The following ESR2 variants were observed in gnomAD, a reference collection of about 807,000 sequenced individuals.
ESR2 encodes estrogen receptor 2.
In ESR2, 36 loss-of-function variants were observed where a neutral mutation model predicts 49.6. The observed-to-expected ratio is 0.73, with a 90% confidence interval of 0.56 to 0.96. The LOEUF is 0.96. Among genes scored for constraint, ESR2 ranks in the 40% least tolerant of loss-of-function variants. The pLI is 0.00. For synonymous variants in ESR2, 320 were observed against 266.1 expected, an observed-to-expected ratio of 1.20 and a Z score of -1.97; for missense variants, 714 against 693.0, an observed-to-expected ratio of 1.03 and a Z score of -0.34.
chr14:64,226,940 C>T (rs987011502), downstream of ESR2: 1 of 152,472 alleles, frequency 6.6e-6, no homozygotes, highest in African/African-American at 2.4e-5. Flanking sequence ...ATCTGCCCAC[C>T]TCGGCCTCCC....
downstream of ESR2, chr14:64,227,931 T>A (rs771890859): frequency 6.3e-7 from 1 of 1,597,050 alleles, no homozygotes; most frequent in East Asian, 2.2e-5. Context: ...TCTCCCCATC[T>A]GTAAAGGATA....
intron 4 of ESR2, among the ~76,000 whole-genome samples, chr14:64,263,135 C>T (rs970154906): frequency 2.0e-5 from 3 of 152,048 alleles, no homozygotes; most frequent in African/African-American, 7.3e-5. Context: ...TGAAATTATA[C>T]ATATTTTTAA....
rs34288779 is a variant in ESR2 at position 64,244,399 on chromosome 14, C to CA, written c.1225+5146dup. ...TGAGTAACAAAGCAAGACTTCATCT[C>CA]AAAAAAAAAAAAAAAGAAAGAACAG... On this transcript the variant is annotated intron_variant, in intron 7 of 8. Coordinates refer to ENST00000341099, the MANE Select transcript of ESR2 (RefSeq NM_001437.3). 8.4e-3 allele frequency among the ~76,000 whole-genome samples: 1,071 copies of CA among 127,780 alleles called. 2 individuals are homozygous for CA. Among genetic ancestry groups the CA allele is most frequent in the East Asian group, 0.016 (66 of 4,190 alleles). 83.8% of individuals were successfully genotyped at this position (127,780 alleles called of 152,430 possible). A position where few individuals can be genotyped will look rare whatever the true frequency, so the allele number is the denominator to read the frequency against.
At position 64,289,118 on chromosome 14, in the gene ESR2, A is replaced by C. The variant is rs376243819; in HGVS notation, c.-91+4915T>G. On this transcript the variant is annotated intron_variant, in intron 1 of 8. Coordinates refer to ENST00000341099, the MANE Select transcript of ESR2 (RefSeq NM_001437.3). ...GCCAGGCAATCTTAGACAAATCCAC[A>C]AACTCCCTGAGCTGCCACATCTTCT... Among the ~76,000 whole-genome samples, 8 of 152,220 alleles carry C rather than the reference A, an allele frequency of 5.3e-5. No homozygotes were observed. The South Asian group carries it at 6.2e-4, about 12-fold the overall frequency.
chr14:64,260,568 G>A lies in ESR2; in HGVS notation c.833C>T (p.Pro278Leu). ...LVLTLLEAEP[P>L]HVLISRPSAP... is the part of the protein sequence containing the mutation. Reference sequence around the variant, plus strand: ...ACTGGGGCGGCTGATCAGCACATGGGGCGGCTCAGCCTCCAGGAGGGTGAG... The same window carrying A: ...ACTGGGGCGGCTGATCAGCACATGGAGCGGCTCAGCCTCCAGGAGGGTGAG... The change falls in exon 5 of 9, where the codon CCC becomes CTC. Residue 278 changes from proline (P) to leucine (L), a missense_variant. Coordinates refer to ENST00000341099, the MANE Select transcript of ESR2 (RefSeq NM_001437.3). 6.2e-7 allele frequency: 1 copy of A among 1,600,702 alleles called. No homozygotes were observed. The highest frequency in any genetic ancestry group is 8.5e-7 in the Non-Finnish European group (1 of 1,172,628).
chr14:64,334,348 C>T (rs2077502732), intron 1 of ESR2, among the ~76,000 whole-genome samples: 1 of 152,206 alleles, frequency 6.6e-6, no homozygotes, highest in Admixed American at 6.5e-5. Flanking sequence ...ATACATTTCT[C>T]AGGTGGCTCA....
intron 7 of ESR2, among the ~76,000 whole-genome samples, chr14:64,236,310 A>G (rs1348134404): frequency 6.6e-6 from 1 of 152,046 alleles, no homozygotes; most frequent in African/African-American, 2.4e-5. Flanking sequence ...TGCTTCTCCA[A>G]TCCCTGTGCT....
intron 1 of ESR2, among the ~76,000 whole-genome samples, chr14:64,328,423 A>G (rs911818529): frequency 6.6e-6 from 1 of 152,158 alleles, no homozygotes; most frequent in Non-Finnish European, 1.5e-5. Context: ...TGTCTCAAAA[A>G]AAAAAAAAGA....
intron 1 of ESR2, among the ~76,000 whole-genome samples, chr14:64,305,016 C>T (rs906403362): frequency 2.0e-5 from 3 of 152,152 alleles, no homozygotes; most frequent in South Asian, 4.1e-4. Flanking sequence ...GGCGGCCAGG[C>T]GTGGTGGCTC....
At chr14:64,307,774 T>C (rs956315000) in intron 1 of ESR2, among the ~76,000 whole-genome samples, 4 of 152,086 alleles carry the variant, frequency 2.6e-5, no homozygotes, top group Admixed American at 2.6e-4. Flanking sequence ...GACCTCGTGA[T>C]CCACCCGCCT....
chr14:64,329,224 A>T (rs2077425029), intron 1 of ESR2, among the ~76,000 whole-genome samples: 1 of 152,260 alleles, frequency 6.6e-6, no homozygotes, highest in Middle Eastern at 3.4e-3. Context: ...CTTTACAACA[A>T]CGAGATCTTG....
chr14:64,294,798 A>C (rs2140854229), upstream of ESR2, among the ~76,000 whole-genome samples: 1 of 152,350 alleles, frequency 6.6e-6, no homozygotes, highest in African/African-American at 2.4e-5. Flanking sequence ...CCCCAGCAGC[A>C]AACGTAACCT....
chr14:64,251,760 G>A (rs192706941), intron 6 of ESR2, among the ~76,000 whole-genome samples: 1 of 152,076 alleles, frequency 6.6e-6, no homozygotes, highest in Non-Finnish European at 1.5e-5. Flanking sequence ...TTTCATTCAA[G>A]GGGTGGCAAA....
rs187008721 is a variant in ESR2, at chr14:64,278,903, G to A, written c.535+1078C>T. ...AAGTTTAGGCCATGATGGAACAAGG[G>A]AGACAGACATGGTTCATTATACCCT... On this transcript the variant is annotated intron_variant, in intron 3 of 8. Coordinates refer to ENST00000341099, the MANE Select transcript of ESR2 (RefSeq NM_001437.3). Among the ~76,000 whole-genome samples, 632 of 152,304 alleles carry A rather than the reference G, an allele frequency of 4.1e-3. 6 individuals are homozygous for A. The highest frequency in any genetic ancestry group is 6.4e-3 in the Non-Finnish European group (434 of 68,022).
intron 6 of ESR2, among the ~76,000 whole-genome samples, chr14:64,251,089 T>A (rs1171817481): frequency 6.6e-6 from 1 of 152,042 alleles, no homozygotes; most frequent in Non-Finnish European, 1.5e-5. Context: ...GAGTGCCAAA[T>A]CTACAGGAAG....
Position 64,306,212 on chromosome 14 carries a change from GA to G in ESR2, c.-90-23138del, listed in dbSNP as rs200709364. 1.0e-3 allele frequency among the ~76,000 whole-genome samples: 141 copies of G among 136,552 alleles called. 3 individuals are homozygous for G. The East Asian group carries it at 0.019, about 19-fold the overall frequency. 89.6% of individuals were successfully genotyped at this position (136,552 alleles called of 152,430 possible). On this transcript the variant is annotated intron_variant, in intron 1 of 8. Transcript: ENST00000358599. ...AGCGAAACTCCATCTCAAAAAAAAAGAAAAAAAAAAAGAAAGTAAAAAGAAA... is the reference window on the plus strand; with the variant it reads ...AGCGAAACTCCATCTCAAAAAAAAAGAAAAAAAAAAGAAAGTAAAAAGAAA...
At chr14:64,295,738 T>C (rs1469567475), upstream of ESR2, among the ~76,000 whole-genome samples, 1 of 152,106 alleles carries the variant, frequency 6.6e-6, no homozygotes, top group Admixed American at 6.6e-5. Flanking sequence ...AAATGTTAAA[T>C]GATGGTTTAA....
intron 4 of ESR2, among the ~76,000 whole-genome samples, chr14:64,266,352 A>G (rs1378435066): frequency 6.6e-6 from 1 of 152,226 alleles, no homozygotes; most frequent in Non-Finnish European, 1.5e-5. Flanking sequence ...ACCAAGGGCC[A>G]AAGAGGTGAT....
intron 7 of ESR2, among the ~76,000 whole-genome samples, chr14:64,235,877 T>C (rs2075586952): frequency 6.6e-6 from 1 of 152,124 alleles, no homozygotes; most frequent in African/African-American, 2.4e-5. Context: ...AACTCTAGGA[T>C]TGAGATACTG....
Sources: gnomAD v4.1 joint callset for allele counts (sites outside exome capture counted in the v4.1 genomes callset) on GRCh38, gnomAD v4.1.1 for gene constraint, MANE v1.5 for transcripts, NCBI Gene and HGNC (gene_info 2026-07-23, HGNC 2026-07-21) for gene names.